ARHGAP21: variants seen among roughly 807,000 people sequenced by gnomAD.
ARHGAP21 encodes the protein rho GTPase-activating protein 21.
Under a neutral mutation model 164.6 loss-of-function variants are expected in ARHGAP21, and 38 were observed. That is an observed-to-expected ratio of 0.23 (90% CI 0.18 to 0.30). The LOEUF is 0.30. Among genes scored for constraint, ARHGAP21 ranks in the 10% least tolerant of loss-of-function variants. The pLI is 1.00. For missense variants in ARHGAP21, 1,822 were observed against 2,370.7 expected (o/e 0.77, Z 4.81); for synonymous variants, 766 against 857.9 (o/e 0.89, Z 1.87).
intron 2 of ARHGAP21, among the ~76,000 whole-genome samples, chr10:24,720,823 G>C (rs1484548427): frequency 6.6e-6 from 1 of 152,134 alleles, no homozygotes; most frequent in African/African-American, 2.4e-5. Context: ...GTATGTTATT[G>C]TCTAAAGTAA....
In ARHGAP21 at chr10:24,584,642, T is replaced by G. The variant is rs1159413141; in HGVS notation, c.5647A>C (p.Ile1883Leu). The change falls in exon 26 of 26, where the codon ATA becomes CTA. Residue 1883 changes from isoleucine (I) to leucine (L), a missense_variant. Ile to Leu is a conservative substitution (Grantham distance 5, BLOSUM62 2). Coordinates refer to ENST00000396432, the MANE Select transcript of ARHGAP21 (RefSeq NM_020824.4). The part of the protein sequence containing the change: ...PQTENPSTRE[I>L]ATTDTPLSLH... The stretch of plus-strand genomic sequence containing the variant: ...GACAAAGGTGTGTCGGTCGTGGCTA[T>G]TTCTCGTGTGCTTGGGTTCTCTGTC... 2.5e-6 allele frequency: 4 copies of G among 1,613,892 alleles called. No homozygotes were observed. The African/African-American group carries it at 5.3e-5, about 22-fold the overall frequency.
intron 1 of ARHGAP21, chr10:24,723,200 G>A (rs1205118147): frequency 6.6e-6 from 1 of 150,932 alleles, no homozygotes; most frequent in Non-Finnish European, 1.5e-5. Flanking sequence ...GCGGCGGCGA[G>A]CTGAAGCGGA....
intron 4 of ARHGAP21, among the ~76,000 whole-genome samples, chr10:24,640,009 G>T (rs1836824877): frequency 6.6e-6 from 1 of 151,732 alleles, no homozygotes; most frequent in South Asian, 2.1e-4. Context: ...CTGTAATGAA[G>T]ATCACAGAGA....
intron 11 of ARHGAP21, among the ~76,000 whole-genome samples, chr10:24,604,896 G>C (rs995717953): frequency 6.6e-6 from 1 of 152,130 alleles, no homozygotes; most frequent in Admixed American, 6.6e-5. Context: ...TGTTGCCACT[G>C]AACAGGCTTA....
intron 2 of ARHGAP21, among the ~76,000 whole-genome samples, chr10:24,674,032 AACAT>A (rs1420045777): frequency 3.3e-5 from 5 of 152,240 alleles, no homozygotes; most frequent in South Asian, 2.1e-4. Flanking sequence ...TCACTAGAAG[AACAT>A]ACAATGAATT....
chr10:24,682,453 T>C (rs1031115325), intron 2 of ARHGAP21, among the ~76,000 whole-genome samples: 2 of 152,220 alleles, frequency 1.3e-5, no homozygotes, highest in African/African-American at 2.4e-5. Flanking sequence ...ACTCTATCCA[T>C]AGTCCTAATG....
chr10:24,589,316 A>C lies in ARHGAP21; in HGVS notation c.4151-14T>G, dbSNP rs1322887971. 1 of 1,606,402 alleles carries C rather than the reference A, an allele frequency of 6.2e-7. No individual in the cohort carries two copies. The highest frequency in any genetic ancestry group is 1.7e-5 in the Admixed American group (1 of 59,620). On this transcript the variant is annotated splice_polypyrimidine_tract_variant and intron_variant, in intron 24 of 25. Coordinates refer to ENST00000396432, the MANE Select transcript of ARHGAP21 (RefSeq NM_020824.4). ...TAGTAGCTGAATCTGTGAAAAATTA[A>C]ATAAAACATGGTCAGTATTAGCCAA... is the stretch of plus-strand genomic sequence containing the variant.
At chr10:24,600,028 G>A (rs1205654999) in intron 14 of ARHGAP21, among the ~76,000 whole-genome samples, 1 of 149,778 alleles carries the variant, frequency 6.7e-6, no homozygotes, top group East Asian at 2.0e-4. Context: ...AGCTACAGGG[G>A]AAGCTAAGGC....
Position 24,594,992 on chromosome 10 carries a change from T to C in ARHGAP21, c.3834A>G (p.Ser1278=), listed in dbSNP as rs772168854. ...TTTCTGCCACTGTCTTCAGATGAGC[T>C]GAAAGGAACTTAAGTGTTTCATAAT... ...EHHYETLKFL[S]AHLKTVAENS... is the part of the protein sequence containing the mutation. Residue 1278 remains serine (S), a synonymous_variant, in exon 21 of 26, where the codon TCA becomes TCG. Coordinates refer to ENST00000396432, the MANE Select transcript of ARHGAP21 (RefSeq NM_020824.4). 3.7e-6 allele frequency: 6 copies of C among 1,610,436 alleles called. No homozygotes were observed.
rs2075984280 is a variant in ARHGAP21, at chr10:24,583,614, T to C, written c.*798A>G. ...AGAATAAGTTTCAAGCCATGCAAAA[T>C]TCACCAAAACAATTTTTATTTCCAG... On this transcript the variant is annotated 3_prime_UTR_variant, in exon 26 of 26. Coordinates refer to ENST00000396432, the MANE Select transcript of ARHGAP21 (RefSeq NM_020824.4). 6.6e-6 allele frequency: 1 copy of C among 152,606 alleles called. No individual in the cohort carries two copies. Among genetic ancestry groups the C allele is most frequent in the African/African-American group, 2.4e-5 (1 of 41,444 alleles). 9.5% of individuals were successfully genotyped at this position (152,606 alleles called of 1,614,324 possible).
At chr10:24,700,582 T>A (rs1843580967) in intron 2 of ARHGAP21, among the ~76,000 whole-genome samples, 1 of 152,204 alleles carries the variant, frequency 6.6e-6, no homozygotes, top group South Asian at 2.1e-4. Context: ...CTTTTCTTTA[T>A]GATTAGGTAT....
chr10:24,721,776 G>A lies in ARHGAP21; in HGVS notation c.63+61C>T. ...CCCCGTGGCCGGTAACCCCCAACTT[G>A]CAGGACGCTCAAGACACAGGCCACC... On this transcript the variant is annotated intron_variant, in intron 2 of 25. Coordinates refer to ENST00000396432, the MANE Select transcript of ARHGAP21 (RefSeq NM_020824.4). The A allele has an allele frequency of 1.9e-6, 3 of 1,592,100 alleles. No individual in the cohort carries two copies. In the South Asian group the frequency reaches 3.4e-5, roughly 18 times the overall value.
intron 21 of ARHGAP21, among the ~76,000 whole-genome samples, chr10:24,594,531 G>A (rs1295573337): frequency 6.6e-6 from 1 of 152,078 alleles, no homozygotes; most frequent in Admixed American, 6.6e-5. Context: ...ACAATATAAA[G>A]AATATATTTT....
At chr10:24,621,435 C>G in intron 8 of ARHGAP21, 66 bp from the exon 9 acceptor site, 1 of 1,392,602 alleles carries the variant, frequency 7.2e-7, no homozygotes, top group Non-Finnish European at 9.6e-7. Context: ...TCCATTTTTA[C>G]AGTGCACTAT....
intron 15 of ARHGAP21, 70 bp downstream of exon 15, chr10:24,597,875 C>A (rs527879029): frequency 6.7e-7 from 1 of 1,484,672 alleles, no homozygotes; most frequent in African/African-American, 1.4e-5. Context: ...GGAATGTATC[C>A]TTGCAAATAA....
intron 2 of ARHGAP21, among the ~76,000 whole-genome samples, chr10:24,695,881 G>A (rs1443763882): frequency 6.6e-6 from 1 of 152,202 alleles, no homozygotes; most frequent in Non-Finnish European, 1.5e-5. Context: ...CAAGTCTCAA[G>A]ATGACTGCGG....
At position 24,699,455 on chromosome 10, in the gene ARHGAP21, G is replaced by A. The variant is rs1267931115; in HGVS notation, c.63+22382C>T. Reference sequence around the variant, plus strand: ...TTCTCCTGCCTCAGCCTCCCGAGTAGGTGGGATTACAGGCGCCTGCCACCA... The same window carrying A: ...TTCTCCTGCCTCAGCCTCCCGAGTAAGTGGGATTACAGGCGCCTGCCACCA... On this transcript the variant is annotated intron_variant, in intron 2 of 25. Coordinates refer to ENST00000396432, the MANE Select transcript of ARHGAP21 (RefSeq NM_020824.4). Among the ~76,000 whole-genome samples the A allele has an allele frequency of 2.0e-5, 3 of 151,990 alleles. No individual in the cohort carries two copies. The East Asian group carries it at 5.8e-4, about 29-fold the overall frequency.
At chr10:24,623,662 T>A (rs1277307350) in intron 7 of ARHGAP21, among the ~76,000 whole-genome samples, 1 of 152,200 alleles carries the variant, frequency 6.6e-6, no homozygotes, top group African/African-American at 2.4e-5. Flanking sequence ...TCCCACAACA[T>A]CCTTGTGTAG....
At chr10:24,611,488 G>A (rs912780274) in intron 9 of ARHGAP21, among the ~76,000 whole-genome samples, 1 of 152,134 alleles carries the variant, frequency 6.6e-6, no homozygotes, top group African/African-American at 2.4e-5. Context: ...ATGATCACTT[G>A]AAGTCAGGAG....
Sources: allele counts gnomAD v4.1 joint callset (sites outside exome capture counted in the v4.1 genomes callset), GRCh38; gene constraint gnomAD v4.1.1; transcripts MANE v1.5; gene names NCBI Gene and HGNC (gene_info 2026-07-23, HGNC 2026-07-21).